E2F6: variants seen among roughly 807,000 people sequenced by gnomAD.
E2F6 encodes the protein transcription factor E2F6.
In E2F6, 19 loss-of-function variants were observed where a neutral mutation model predicts 31.5. The ratio of observed to expected loss-of-function variants is 0.60; its 90% CI spans 0.42 to 0.89. E2F6 has a LOEUF of 0.89. Ranked by LOEUF, E2F6 falls within the 40% of genes least tolerant of loss-of-function variation. The probability of loss-of-function intolerance (pLI) is 0.00; values close to 1 mark genes in which losing one functional copy is unlikely to be tolerated. For synonymous variants in E2F6, 121 were observed against 127.7 expected, an observed-to-expected ratio of 0.95 and a Z score of 0.36; for missense variants, 269 against 341.6, an observed-to-expected ratio of 0.79 and a Z score of 1.67.
In E2F6 at chr2:11,465,889, C is replaced by A. The variant is rs1672177766; in HGVS notation, c.-10G>T. On this transcript the variant is annotated 5_prime_UTR_variant, in exon 1 of 7. Transcript: ENST00000381525. Reference sequence around the variant, plus strand: ...GCCGCTGCTGACTCATGCTGCCCGGCCGGGCGTCCTGCTCCCCTCGCACCC... The same window carrying A: ...GCCGCTGCTGACTCATGCTGCCCGGACGGGCGTCCTGCTCCCCTCGCACCC... 3.2e-6 allele frequency: 5 copies of A among 1,542,580 alleles called. No homozygotes were observed. The highest frequency in any genetic ancestry group is 4.9e-5 in the East Asian group (2 of 40,944).
chr2:11,463,487 A>C (rs1558464348), intron 1 of E2F6, among the ~76,000 whole-genome samples: 1 of 152,242 alleles, frequency 6.6e-6, no homozygotes, highest in Non-Finnish European at 1.5e-5. Flanking sequence ...AGCAAACAGT[A>C]AAGTTTTGGG....
intron 1 of E2F6, among the ~76,000 whole-genome samples, chr2:11,463,857 AGAAGGATCACTT>A (rs767270516): frequency 6.8e-6 from 1 of 146,828 alleles, no homozygotes; most frequent in Non-Finnish European, 1.5e-5. Context: ...AGTTGGAGGC[AGAAGGATCACTT>A]GAGCCTGGGA....
intron 5 of E2F6, among the ~76,000 whole-genome samples, chr2:11,449,260 G>A (rs1670912359): frequency 6.6e-6 from 1 of 152,186 alleles, no homozygotes; most frequent in Non-Finnish European, 1.5e-5. Flanking sequence ...GAGTAATACA[G>A]GGCTCACTTG....
intron 5 of E2F6, among the ~76,000 whole-genome samples, chr2:11,449,355 A>G (rs1670919276): frequency 6.6e-6 from 1 of 152,186 alleles, no homozygotes; most frequent in Non-Finnish European, 1.5e-5. Flanking sequence ...AGGGCAATGC[A>G]GAGGGCTGCA....
intron 1 of E2F6, among the ~76,000 whole-genome samples, chr2:11,462,841 T>C (rs1231043142): frequency 6.6e-6 from 1 of 152,194 alleles, no homozygotes; most frequent in East Asian, 1.9e-4. Context: ...GAATTATTTC[T>C]GGAATTTTCA....
chr2:11,457,369 A>G, intron 1 of E2F6, 136 bp from the exon 2 acceptor site: 1 of 604,368 alleles, frequency 1.7e-6, no homozygotes, highest in East Asian at 3.2e-5. Flanking sequence ...CACGCCTGTA[A>G]TCCCAGCACT....
intron 5 of E2F6, among the ~76,000 whole-genome samples, chr2:11,449,720 A>C (rs893428165): frequency 6.6e-6 from 1 of 152,218 alleles, no homozygotes; most frequent in Admixed American, 6.5e-5. Flanking sequence ...GAAGCACTGC[A>C]GTACAATAGT....
intron 4 of E2F6, among the ~76,000 whole-genome samples, chr2:11,450,453 A>G (rs6432195): frequency 0.71 from 107,387 of 152,030 alleles, 39,059 homozygotes; most frequent in African/African-American, 0.89. Context: ...TACACCACAT[A>G]AAGAAATTCA....
intron 2 of E2F6, among the ~76,000 whole-genome samples, chr2:11,454,854 C>T (rs1043375091): frequency 1.3e-5 from 2 of 152,042 alleles, no homozygotes; most frequent in Non-Finnish European, 2.9e-5. Flanking sequence ...TTTTGCAACA[C>T]GTTCTTTTAA....
Position 11,447,678 on chromosome 2 carries a change from C to G in E2F6, c.748G>C (p.Gly250Arg). The G allele has an allele frequency of 6.2e-7, 1 of 1,612,076 alleles. No individual in the cohort carries two copies. The highest frequency in any genetic ancestry group is 8.5e-7 in the Non-Finnish European group (1 of 1,179,912). Residue 250 changes from glycine to arginine, a missense_variant, in exon 6 of 7, where the codon GGT (glycine) becomes CGT (arginine). Transcript: ENST00000381525. The part of the protein sequence containing the change: ...QGQTSNKRSE[G>R]VGTSSSESTH... ...CTCTCAGATGAAGAGGTCCCGACAC[C>G]TTCAGACCTTTTGTTACTGGTCTGA...
At position 11,446,175 on chromosome 2, in the gene E2F6, T is replaced by C. The variant is rs971510549; in HGVS notation, c.*302A>G. ...GGTAGAGTCCACAAAGAACTGTCCATTTCAGCCTGACTGTCTGTCTTCATG... is the reference window on the plus strand; with the variant it reads ...GGTAGAGTCCACAAAGAACTGTCCACTTCAGCCTGACTGTCTGTCTTCATG... On this transcript the variant is annotated 3_prime_UTR_variant, in exon 7 of 7. Transcript: ENST00000381525. 2.8e-5 allele frequency: 11 copies of C among 391,182 alleles called. No homozygotes were observed. Among genetic ancestry groups the C allele is most frequent in the Non-Finnish European group, 3.7e-5 (8 of 215,290 alleles). The allele number at this position is 391,182 out of a possible 1,614,324, so 24.2% of individuals were successfully genotyped here. A position where few individuals can be genotyped will look rare whatever the true frequency, so the allele number is the denominator to read the frequency against.
At chr2:11,447,479 T>C in intron 6 of E2F6, 148 bp downstream of exon 6, 1 of 865,164 alleles carries the variant, frequency 1.2e-6, no homozygotes, top group Non-Finnish European at 1.8e-6. Context: ...TTCACAGAAA[T>C]ATTCTAAACT....
At chr2:11,458,437 G>A (rs1671550811) in intron 1 of E2F6, 1 of 1,426,944 alleles carries the variant, frequency 7.0e-7, no homozygotes, top group East Asian at 2.5e-5. Context: ...CATGTTTCTG[G>A]GAACCCACTG....
At chr2:11,447,257 G>C (rs1352106375) in intron 6 of E2F6, among the ~76,000 whole-genome samples, 1 of 152,144 alleles carries the variant, frequency 6.6e-6, no homozygotes, top group Admixed American at 6.5e-5. Flanking sequence ...TGACTGCCTG[G>C]GTCAAGCAGG....
Position 11,445,960 on chromosome 2 carries a change from T to C in E2F6, c.*517A>G, listed in dbSNP as rs1477910419. 1 of 152,874 alleles carries C rather than the reference T, an allele frequency of 6.5e-6. No homozygotes were observed. The highest frequency in any genetic ancestry group is 1.5e-5 in the Non-Finnish European group (1 of 68,288). 9.5% of individuals were successfully genotyped at this position (152,874 alleles called of 1,614,324 possible). A position where few individuals can be genotyped will look rare whatever the true frequency, so the allele number is the denominator to read the frequency against. The stretch of plus-strand genomic sequence containing the variant: ...TGTCACTTTCCATATATACATTATT[T>C]TGGCTGTACAAGGGTGAAAAGTGTC... On this transcript the variant is annotated 3_prime_UTR_variant, in exon 7 of 7. Transcript: ENST00000381525.
intron 1 of E2F6, among the ~76,000 whole-genome samples, chr2:11,462,367 G>A (rs534339641): frequency 6.6e-6 from 1 of 152,242 alleles, no homozygotes; most frequent in African/African-American, 2.4e-5. Context: ...TATAGATCGG[G>A]CATAGTAAGA....
intron 1 of E2F6, 21 bp downstream of exon 1, chr2:11,465,751 C>G: frequency 6.4e-7 from 1 of 1,569,766 alleles, no homozygotes; most frequent in Non-Finnish European, 8.6e-7. Flanking sequence ...CCGCCCGTCC[C>G]CGTCCCGTCC....
At chr2:11,457,687 G>A (rs192203939) in intron 1 of E2F6, among the ~76,000 whole-genome samples, 318 of 152,218 alleles carry the variant, frequency 2.1e-3, no homozygotes, top group African/African-American at 7.5e-3. Context: ...CATCAGGTAC[G>A]ATCATTACAA....
In E2F6 at chr2:11,445,377, G is replaced by A. The variant is rs1670657129; in HGVS notation, c.*1100C>T. ...GGGATGTAACAGTGATTATGACAAAGTCCCTCAAGGAGCTCACAGTCTAAT... is the reference window on the plus strand; with the variant it reads ...GGGATGTAACAGTGATTATGACAAAATCCCTCAAGGAGCTCACAGTCTAAT... On this transcript the variant is annotated 3_prime_UTR_variant, in exon 7 of 7. Transcript: ENST00000381525. 1 of 152,622 alleles carries A rather than the reference G, an allele frequency of 6.6e-6. No homozygotes were observed. Among genetic ancestry groups the A allele is most frequent in the Non-Finnish European group, 1.5e-5 (1 of 68,034 alleles). The allele number at this position is 152,622 out of a possible 1,614,324, so 9.5% of individuals were successfully genotyped here.
Sources: gnomAD v4.1 joint callset for allele counts (sites outside exome capture counted in the v4.1 genomes callset) on GRCh38, gnomAD v4.1.1 for gene constraint, MANE v1.5 for transcripts, NCBI Gene and HGNC (gene_info 2026-07-23, HGNC 2026-07-21) for gene names.